Variants in AZIN2 observed in about 807,000 individuals in gnomAD.
AZIN2 encodes antizyme inhibitor 2.
In AZIN2, 28 loss-of-function variants were observed where a neutral mutation model predicts 47.8. The observed-to-expected ratio is 0.59, with a 90% CI of 0.43 to 0.80. The LOEUF (loss-of-function observed/expected upper bound fraction) is 0.80, where lower values mean the gene tolerates loss of function less well. Ranked by LOEUF, AZIN2 falls within the 30% of genes least tolerant of loss-of-function variation. The probability of loss-of-function intolerance (pLI) is 0.00; values close to 1 mark genes in which losing one functional copy is unlikely to be tolerated. For missense variants in AZIN2, 535 were observed against 582.5 expected (o/e 0.92, Z 0.84); for synonymous variants, 221 against 239.4 (o/e 0.92, Z 0.71).
the AZIN2 span, among the ~76,000 whole-genome samples, chr1:33,133,317 C>T: frequency 1.3e-5 from 2 of 152,246 alleles, no homozygotes; most frequent in African/African-American, 4.8e-5. Flanking sequence ...AGGAGAGTTT[C>T]TCTTTTTAAT....
chr1:33,093,357 A>C lies in AZIN2; in HGVS notation c.528A>C (p.Lys176Asn). ...GCCTAAAGTTTGGAGTGTCACTGAAATCCTGCAGACACCTGCTTGAAAATG... is the reference window on the plus strand; with the variant it reads ...GCCTAAAGTTTGGAGTGTCACTGAACTCCTGCAGACACCTGCTTGAAAATG... ...CLSLKFGVSL[K>N]SCRHLLENAK... The change falls in exon 7 of 12, where the codon AAA becomes AAC. Residue 176 changes from lysine (K) to asparagine (N), a missense_variant. Physicochemically the swap from Lys to Asn is moderately conservative, Grantham distance 94. Coordinates refer to ENST00000294517, the MANE Select transcript of AZIN2 (RefSeq NM_052998.4). 3 of 1,614,100 alleles carry C rather than the reference A, an allele frequency of 1.9e-6. No individual in the cohort carries two copies. Among genetic ancestry groups the C allele is most frequent in the Non-Finnish European group, 2.5e-6 (3 of 1,179,990 alleles).
intron 10 of AZIN2, among the ~76,000 whole-genome samples, chr1:33,103,213 C>T (rs769469969): frequency 7.2e-5 from 11 of 152,170 alleles, no homozygotes; most frequent in Non-Finnish European, 1.5e-4. Context: ...TTAACACCAT[C>T]TGTGGCTTCC....
the AZIN2 span, among the ~76,000 whole-genome samples, chr1:33,128,616 T>C: frequency 6.6e-6 from 1 of 152,206 alleles, no homozygotes; most frequent in East Asian, 1.9e-4. Context: ...GAGCCTGTTA[T>C]GATCCTAATT....
At chr1:33,130,844 A>G in the AZIN2 span, among the ~76,000 whole-genome samples, 1 of 152,356 alleles carries the variant, frequency 6.6e-6, no homozygotes, top group East Asian at 1.9e-4. Context: ...TGAATTGTGC[A>G]GTGGCTGTGC....
the AZIN2 span, chr1:33,158,169 C>T: frequency 1.6e-6 from 2 of 1,279,518 alleles, no homozygotes; most frequent in Admixed American, 1.7e-5. Context: ...ACCCCAACTG[C>T]CCCATGCTGT....
In AZIN2 at chr1:33,119,912, C is replaced by T. The variant is rs891633555; in HGVS notation, c.1245-132C>T. 2.3e-6 allele frequency: 3 copies of T among 1,278,688 alleles called. No individual in the cohort carries two copies. In the African/African-American group the frequency reaches 4.4e-5, roughly 19 times the overall value. 79.2% of individuals were successfully genotyped at this position (1,278,688 alleles called of 1,614,324 possible). A position where few individuals can be genotyped will look rare whatever the true frequency, so the allele number is the denominator to read the frequency against. ...AAGCAGTTGGGGAGGGGTCAGCAGC[C>T]TGTCCCTGCCCCTGCCCTCAGCTGA... On this transcript the variant is annotated intron_variant, in intron 11 of 11. Transcript: ENST00000294517.
chr1:33,104,722 CA>C (rs1478769784), intron 10 of AZIN2, among the ~76,000 whole-genome samples: 2 of 152,194 alleles, frequency 1.3e-5, no homozygotes, highest in African/African-American at 4.8e-5. Context: ...TTATTTAACA[CA>C]AGGTCACATT....
Position 33,122,652 on chromosome 1 carries a change from T to A in AZIN2, c.*2470T>A, listed in dbSNP as rs1644816490. On this transcript the variant is annotated 3_prime_UTR_variant, in exon 12 of 12. Transcript: ENST00000294517. ...TCCCTGCTGAGCGACCCACTGGCAG[T>A]GGCTCCTCATGCCTCCTGGCTGCCT... Among the ~76,000 whole-genome samples, 1 of 152,178 alleles carries A rather than the reference T, an allele frequency of 6.6e-6. No individual in the cohort carries two copies. The highest frequency in any genetic ancestry group is 6.5e-5 in the Admixed American group (1 of 15,286).
rs746757117 is a variant in AZIN2 at position 33,092,033 on chromosome 1, C to T, written c.280-17C>T. On this transcript the variant is annotated splice_polypyrimidine_tract_variant and intron_variant, in intron 5 of 11. Coordinates refer to ENST00000294517, the MANE Select transcript of AZIN2 (RefSeq NM_052998.4). ...AGGCCCTGGTGCCTCCTTACAACCA[C>T]CTTTGGGGCCCCATAGGCAGAGATG... The T allele has an allele frequency of 6.2e-7, 1 of 1,610,568 alleles. No homozygotes were observed. Among genetic ancestry groups the T allele is most frequent in the Non-Finnish European group, 8.5e-7 (1 of 1,177,930 alleles).
chr1:33,117,344 A>G (rs1481138624), intron 10 of AZIN2, among the ~76,000 whole-genome samples: 1 of 152,130 alleles, frequency 6.6e-6, no homozygotes, highest in Non-Finnish European at 1.5e-5. Context: ...GGAGGGCTTC[A>G]TAGACGAGGG....
the AZIN2 span, chr1:33,165,846 T>C: frequency 7.3e-6 from 2 of 274,024 alleles, no homozygotes; most frequent in East Asian, 1.3e-4. This position sits in a 1 kb window ranked among gnomAD's most constrained non-coding sequence, Gnocchi z 4.0. Flanking sequence ...ACACACTCTC[T>C]GGCTCCCCAC....
chr1:33,121,360 C>T lies in AZIN2; in HGVS notation c.*1178C>T, dbSNP rs529441441. Among the ~76,000 whole-genome samples the T allele has an allele frequency of 5.9e-5, 9 of 152,060 alleles. No individual in the cohort carries two copies. Among genetic ancestry groups the T allele is most frequent in the African/African-American group, 1.7e-4 (7 of 41,392 alleles). On this transcript the variant is annotated 3_prime_UTR_variant, in exon 12 of 12. Coordinates refer to ENST00000294517, the MANE Select transcript of AZIN2 (RefSeq NM_052998.4). ...AGGTGATCACCTGAGGTCAGGAGTT[C>T]GAGACCAGCCTGGCCAACATGGCAA...
In AZIN2 at chr1:33,123,066, C is replaced by T. The variant is rs1644824436; in HGVS notation, c.*2884C>T. Among the ~76,000 whole-genome samples the T allele has an allele frequency of 6.6e-6, 1 of 152,208 alleles. No individual in the cohort carries two copies. The highest frequency in any genetic ancestry group is 1.5e-5 in the Non-Finnish European group (1 of 68,032). Reference sequence around the variant, plus strand: ...GCCTCCCCTCTGTTCTTCAAACACTCCACTGCTGGGCATGCATTTACTGTC... The same window carrying T: ...GCCTCCCCTCTGTTCTTCAAACACTTCACTGCTGGGCATGCATTTACTGTC... On this transcript the variant is annotated 3_prime_UTR_variant, in exon 12 of 12. Coordinates refer to ENST00000294517, the MANE Select transcript of AZIN2 (RefSeq NM_052998.4).
chr1:33,107,579 AAAAAC>A (rs775471059), intron 10 of AZIN2, among the ~76,000 whole-genome samples: 1 of 152,170 alleles, frequency 6.6e-6, no homozygotes, highest in Non-Finnish European at 1.5e-5. Flanking sequence ...ACTCCATCTC[AAAAAC>A]AAAACAAAAC....
rs537303069 is a variant in AZIN2 at position 33,104,855 on chromosome 1, T to C, written c.1029+6676T>C. 2.0e-5 allele frequency among the ~76,000 whole-genome samples: 3 copies of C among 152,196 alleles called. No homozygotes were observed. The South Asian group carries it at 6.2e-4, about 31-fold the overall frequency. On this transcript the variant is annotated intron_variant, in intron 10 of 11. Coordinates refer to ENST00000294517, the MANE Select transcript of AZIN2 (RefSeq NM_052998.4). ...CTCGGACTACAGGCACATGCCACTA[T>C]GCCTGGCTAATTTTTGTATTTTTTG...
chr1:33,092,189 T>G lies in AZIN2; in HGVS notation c.419T>G (p.Leu140Arg). 1 of 1,614,106 alleles carries G rather than the reference T, an allele frequency of 6.2e-7. No individual in the cohort carries two copies. The highest frequency in any genetic ancestry group is 8.5e-7 in the Non-Finnish European group (1 of 1,180,022). Residue 140 changes from leucine (L) to arginine (R), a missense_variant, in exon 6 of 12, where the codon CTG becomes CGG. By Grantham distance (102) the Leu-to-Arg change is moderately radical. Transcript: ENST00000294517. Reference sequence around the variant, plus strand: ...CTGAGCTTTGACAATGAGATGGAGCTGGCAAAGGTGGTAAAGAGCCACCCC... The same window carrying G: ...CTGAGCTTTGACAATGAGATGGAGCGGGCAAAGGTGGTAAAGAGCCACCCC... ...QLLSFDNEME[L>R]AKVVKSHPSA...
chr1:33,086,228 T>A (rs914186995), intron 5 of AZIN2, among the ~76,000 whole-genome samples: 1 of 152,206 alleles, frequency 6.6e-6, no homozygotes, highest in African/African-American at 2.4e-5. Context: ...CTATTTTTTT[T>A]AATGGGGATT....
At chr1:33,097,907 T>C (rs771791540) in intron 9 of AZIN2, 160 bp from the exon 10 acceptor site, 2 of 623,380 alleles carry the variant, frequency 3.2e-6, no homozygotes, top group Non-Finnish European at 5.8e-6. Context: ...ACCCATGTCA[T>C]TGGAAGGATG....
At chr1:33,114,448 G>A (rs1324069008) in intron 10 of AZIN2, among the ~76,000 whole-genome samples, 1 of 150,412 alleles carries the variant, frequency 6.6e-6, no homozygotes, top group Non-Finnish European at 1.5e-5. Flanking sequence ...CCACCTTCCG[G>A]GTTCACGCCA....
Sources: gnomAD v4.1 joint callset for allele counts (sites outside exome capture counted in the v4.1 genomes callset) on GRCh38, gnomAD v4.1.1 for gene constraint, Gnocchi (gnomAD v3.1) non-coding constraint, MANE v1.5 for transcripts, NCBI Gene and HGNC (gene_info 2026-07-23, HGNC 2026-07-21) for gene names.